LRRC61: variants seen among roughly 807,000 people sequenced by gnomAD.
The protein encoded by LRRC61 is leucine-rich repeat-containing protein 61.
LRRC61 carries 9 observed loss-of-function variants against 15.1 expected under a neutral mutation model. The ratio of observed to expected loss-of-function variants is 0.60; its 90% CI spans 0.36 to 1.04. LRRC61 has a LOEUF of 1.04. LRRC61 is among the 50% of genes least tolerant of loss of function. LRRC61 has a pLI of 0.01. For synonymous variants in LRRC61, 173 were observed against 158.6 expected (o/e 1.09, Z -0.68); for missense variants, 344 against 335.6 (o/e 1.03, Z -0.20).
chr7:150,323,708 TACCC>T (rs760628872), intron 1 of LRRC61, 148 bp downstream of exon 1: 12 of 455,892 alleles, frequency 2.6e-5, no homozygotes, highest in Non-Finnish European at 4.0e-5. Flanking sequence ...AGCCAGCCCT[TACCC>T]ATCTCTCCCT....
chr7:150,332,909 G>C (rs992167199), intron 2 of LRRC61, among the ~76,000 whole-genome samples: 1 of 152,142 alleles, frequency 6.6e-6, no homozygotes, highest in African/African-American at 2.4e-5. Flanking sequence ...GAGGGGCAGG[G>C]CTTGCTGGAT....
chr7:150,326,068 C>T (rs1797955381), intron 2 of LRRC61, 58 bp downstream of exon 2: 1 of 152,306 alleles, frequency 6.6e-6, no homozygotes, highest in Non-Finnish European at 1.5e-5. Context: ...CCCTGTTTCT[C>T]AGTAGGTCAG....
At chr7:150,321,670 G>A (rs770121863), upstream of LRRC61, among the ~76,000 whole-genome samples, 5 of 152,178 alleles carry the variant, frequency 3.3e-5, no homozygotes, top group Non-Finnish European at 7.3e-5. Flanking sequence ...AACTCAGGAG[G>A]TGGAGGTTGC....
intron 1 of LRRC61, among the ~76,000 whole-genome samples, chr7:150,325,528 T>C (rs1208789872): frequency 6.6e-6 from 1 of 152,170 alleles, no homozygotes; most frequent in Non-Finnish European, 1.5e-5. Context: ...AATGCAGTGG[T>C]GCAATCACGG....
intron 2 of LRRC61, among the ~76,000 whole-genome samples, chr7:150,327,836 A>AAAAG: frequency 6.6e-6 from 1 of 150,780 alleles, no homozygotes; most frequent in African/African-American, 2.4e-5. Context: ...AAAAAAAAAA[A>AAAAG]GTTTCTTGCA....
intron 2 of LRRC61, chr7:150,332,714 A>G (rs1244414521): frequency 1.2e-5 from 2 of 167,178 alleles, no homozygotes; most frequent in Non-Finnish European, 2.9e-5. Context: ...AGTTTTGTAA[A>G]CATTTAATAA....
At chr7:150,323,647 G>C (rs1797808733) in intron 1 of LRRC61, 87 bp downstream of exon 1, 1 of 455,678 alleles carries the variant, frequency 2.2e-6, no homozygotes. Flanking sequence ...TGCTGGGCCA[G>C]CGGTGCCCTC....
intron 1 of LRRC61, 44 bp downstream of exon 1, chr7:150,323,604 T>C (rs916981079): frequency 1.1e-5 from 5 of 450,800 alleles, no homozygotes; most frequent in African/African-American, 1.0e-4. Context: ...AGGGGGCGGC[T>C]GTCGGGGCCC....
upstream of LRRC61, among the ~76,000 whole-genome samples, chr7:150,322,106 T>C (rs1015105378): frequency 2.0e-5 from 3 of 152,196 alleles, no homozygotes; most frequent in Admixed American, 2.0e-4. Context: ...ACACAATTTG[T>C]AGCTGCAGGA....
Position 150,330,710 on chromosome 7 carries a change from C to A in LRRC61, c.-145+4700C>A. 2 of 1,557,186 alleles carry A rather than the reference C, an allele frequency of 1.3e-6. No individual in the cohort carries two copies. Among genetic ancestry groups the A allele is most frequent in the South Asian group, 1.1e-5 (1 of 90,000 alleles). Reference sequence around the variant, plus strand: ...CCGACATTGACCACTGGAAGCAAGTCCTCGTGTACAAGGTGAAGGAGATTA... The same window carrying A: ...CCGACATTGACCACTGGAAGCAAGTACTCGTGTACAAGGTGAAGGAGATTA... On this transcript the variant is annotated intron_variant, in intron 2 of 2. Coordinates refer to ENST00000359623, the MANE Select transcript of LRRC61 (RefSeq NM_001142928.2). The surrounding 1 kb of genome is among the most constrained non-coding windows in gnomAD (Gnocchi z 4.6).
At chr7:150,310,133 A>G in the LRRC61 span, among the ~76,000 whole-genome samples, 1 of 152,024 alleles carries the variant, frequency 6.6e-6, no homozygotes, top group Non-Finnish European at 1.5e-5. Flanking sequence ...TTAACAAATT[A>G]TCTGCTTCCC....
At chr7:150,319,165 G>T, upstream of LRRC61, among the ~76,000 whole-genome samples, 1 of 151,822 alleles carries the variant, frequency 6.6e-6, no homozygotes, top group South Asian at 2.1e-4. Flanking sequence ...GAGTGACTCT[G>T]AAATTTATTC....
chr7:150,327,398 A>G (rs1249610998), intron 2 of LRRC61, among the ~76,000 whole-genome samples: 1 of 152,176 alleles, frequency 6.6e-6, no homozygotes, highest in Admixed American at 6.5e-5. Flanking sequence ...GGAAGGTACA[A>G]GCCTTTCTAC....
upstream of LRRC61, among the ~76,000 whole-genome samples, chr7:150,321,803 G>A (rs1433875323): frequency 6.6e-6 from 1 of 152,146 alleles, no homozygotes; most frequent in Non-Finnish European, 1.5e-5. Flanking sequence ...ACTATTCTTG[G>A]GCAGGGGTCC....
the LRRC61 span, among the ~76,000 whole-genome samples, chr7:150,315,364 GGAAGAGGA>G: frequency 6.6e-6 from 1 of 152,040 alleles, no homozygotes; most frequent in African/African-American, 2.4e-5. Flanking sequence ...CCATATACCT[GGAAGAGGA>G]TATGCAGCCG....
At chr7:150,329,528 C>T (rs1798040180) in intron 2 of LRRC61, among the ~76,000 whole-genome samples, 1 of 152,202 alleles carries the variant, frequency 6.6e-6, no homozygotes, top group African/African-American at 2.4e-5. Flanking sequence ...TTGCTTGGGA[C>T]ACTTCCCAGC....
intron 2 of LRRC61, among the ~76,000 whole-genome samples, chr7:150,326,594 G>A (rs1166977187): frequency 1.3e-5 from 2 of 151,642 alleles, no homozygotes; most frequent in Non-Finnish European, 2.9e-5. Context: ...GAGTTTGGGA[G>A]GATTACTTGA....
At position 150,337,977 on chromosome 7, in the gene LRRC61, C is replaced by T. The variant is rs747751914; in HGVS notation, c.*336C>T. 1.2e-5 allele frequency: 5 copies of T among 427,686 alleles called. No homozygotes were observed. In the Admixed American group the frequency reaches 1.2e-4, roughly 10 times the overall value. 26.5% of individuals were successfully genotyped at this position (427,686 alleles called of 1,614,324 possible). On this transcript the variant is annotated 3_prime_UTR_variant, in exon 3 of 3. Transcript: ENST00000359623. The stretch of plus-strand genomic sequence containing the variant: ...GAAAGGTAGGGATGGGCCAGCCTCC[C>T]GTCTCAGCTGTTGGGAGACAGTAGG...
At chr7:150,317,195 G>A in the LRRC61 span, among the ~76,000 whole-genome samples, 2 of 151,954 alleles carry the variant, frequency 1.3e-5, no homozygotes, top group African/African-American at 2.4e-5. Flanking sequence ...GGGATTACAG[G>A]CGTGCAGCAT....
Sources: allele counts gnomAD v4.1 joint callset (sites outside exome capture counted in the v4.1 genomes callset), GRCh38; gene constraint gnomAD v4.1.1; non-coding constraint Gnocchi (gnomAD v3.1); transcripts MANE v1.5; gene names NCBI Gene and HGNC (gene_info 2026-07-23, HGNC 2026-07-21).